Variants in SAMD12 observed in about 807,000 individuals in gnomAD.
SAMD12 encodes sterile alpha motif domain-containing protein 12.
Under a neutral mutation model 15.0 loss-of-function variants are expected in SAMD12, and 9 were observed. That is an observed-to-expected ratio of 0.60 (90% CI 0.36 to 1.05). SAMD12 has a LOEUF of 1.05. SAMD12 is among the 50% of genes least tolerant of loss of function. The pLI is 0.01. For synonymous variants in SAMD12, 86 were observed against 90.1 expected, an observed-to-expected ratio of 0.96 and a Z score of 0.25; for missense variants, 230 against 234.2, an observed-to-expected ratio of 0.98 and a Z score of 0.12.
chr8:118,307,161 C>T (rs1815392435), intron 4 of SAMD12, among the ~76,000 whole-genome samples: 1 of 152,206 alleles, frequency 6.6e-6, no homozygotes, highest in Admixed American at 6.5e-5. Context: ...AGCCCCTCTT[C>T]ATGGAGCTGA....
At chr8:118,395,505 G>A (rs1820510646) in intron 3 of SAMD12, among the ~76,000 whole-genome samples, 1 of 152,100 alleles carries the variant, frequency 6.6e-6, no homozygotes, top group Admixed American at 6.6e-5. Context: ...GTTTTCTTTA[G>A]CAAACACCCT....
chr8:118,534,682 T>C (rs1057115643), intron 2 of SAMD12, among the ~76,000 whole-genome samples: 1 of 152,222 alleles, frequency 6.6e-6, no homozygotes, highest in Non-Finnish European at 1.5e-5. Flanking sequence ...TTTTGCTTCA[T>C]TTCATCCATT....
the SAMD12 span, among the ~76,000 whole-genome samples, chr8:118,163,410 G>A: frequency 6.6e-6 from 1 of 152,318 alleles, no homozygotes; most frequent in Non-Finnish European, 1.5e-5. Flanking sequence ...TGGGTAATAG[G>A]GATGTGATTT....
At chr8:118,294,175 T>C (rs1285939469) in intron 4 of SAMD12, among the ~76,000 whole-genome samples, 1 of 152,100 alleles carries the variant, frequency 6.6e-6, no homozygotes, top group Non-Finnish European at 1.5e-5. Context: ...GCAGAGAGTC[T>C]GCCATGCAGC....
At chr8:118,318,327 T>TATATATATATATATACAC (rs1563758918) in intron 4 of SAMD12, among the ~76,000 whole-genome samples, 1 of 35,056 alleles carries the variant, frequency 2.9e-5, no homozygotes, top group Non-Finnish European at 9.3e-5. Flanking sequence ...TATATATATA[T>TATATATATATATATACAC]ATATATATAT....
At chr8:118,203,595 T>A (rs549266683) in intron 4 of SAMD12, among the ~76,000 whole-genome samples, 75 of 152,208 alleles carry the variant, frequency 4.9e-4, no homozygotes, top group African/African-American at 1.7e-3. Flanking sequence ...ATTCTATTTT[T>A]TTATTATTAT....
At chr8:118,337,990 T>A (rs1207986149) in intron 4 of SAMD12, among the ~76,000 whole-genome samples, 1 of 152,210 alleles carries the variant, frequency 6.6e-6, no homozygotes, top group Non-Finnish European at 1.5e-5. Context: ...GTTTAAGACT[T>A]CCACCAGGGG....
chr8:118,527,780 G>C (rs935270941), intron 2 of SAMD12, among the ~76,000 whole-genome samples: 2 of 152,070 alleles, frequency 1.3e-5, no homozygotes, highest in African/African-American at 4.8e-5. Flanking sequence ...TGTTTAATTA[G>C]GGATATCTGC....
At chr8:118,518,865 A>T in intron 2 of SAMD12, among the ~76,000 whole-genome samples, 1 of 152,162 alleles carries the variant, frequency 6.6e-6, no homozygotes, top group Non-Finnish European at 1.5e-5. Flanking sequence ...CAATTTCCCC[A>T]GCGTCAGGCA....
At chr8:118,463,901 G>A (rs1016760597) in intron 2 of SAMD12, among the ~76,000 whole-genome samples, 3 of 152,078 alleles carry the variant, frequency 2.0e-5, no homozygotes, top group African/African-American at 7.2e-5. Context: ...AACACTGCTG[G>A]AATTATAGGG....
chr8:118,158,285 T>C, the SAMD12 span, among the ~76,000 whole-genome samples: 2 of 152,198 alleles, frequency 1.3e-5, no homozygotes, highest in Non-Finnish European at 2.9e-5. Flanking sequence ...CACAAAGCCA[T>C]GAAGATTGCC....
In SAMD12 at chr8:118,317,519, A is replaced by G. The variant is rs564417574; in HGVS notation, c.433+62041T>C. Among the ~76,000 whole-genome samples, 15 of 152,360 alleles carry G rather than the reference A, an allele frequency of 9.8e-5. No homozygotes were observed. The East Asian group carries it at 2.5e-3, about 25-fold the overall frequency. On this transcript the variant is annotated intron_variant, in intron 4 of 4. Coordinates refer to the SAMD12 transcript ENST00000409003. ...GATGAAAATGTTGAAGAAGGTAGAT[A>G]CAAAGAGTATATAATGTACAATTCG...
intron 2 of SAMD12, among the ~76,000 whole-genome samples, chr8:118,490,094 T>C (rs1033649033): frequency 6.6e-6 from 1 of 152,288 alleles, no homozygotes; most frequent in East Asian, 1.9e-4. Flanking sequence ...CTTACTATCA[T>C]AGCATTCAAA....
At chr8:118,260,740 T>G (rs531955582) in intron 4 of SAMD12, among the ~76,000 whole-genome samples, 1 of 152,206 alleles carries the variant, frequency 6.6e-6, no homozygotes, top group South Asian at 2.1e-4. Context: ...TATCCTGTGT[T>G]GCCTGCATCT....
chr8:118,524,868 C>G (rs1225946050), intron 2 of SAMD12, among the ~76,000 whole-genome samples: 2 of 152,204 alleles, frequency 1.3e-5, no homozygotes, highest in African/African-American at 4.8e-5. Context: ...TCACCACTCT[C>G]CTGTGGATAA....
intron 3 of SAMD12, among the ~76,000 whole-genome samples, chr8:118,428,621 A>C (rs971980162): frequency 2.6e-5 from 4 of 152,136 alleles, no homozygotes; most frequent in African/African-American, 9.7e-5. Context: ...AGTGTGATGC[A>C]GGAGTTGAAG....
At chr8:118,343,629 GC>G (rs1817485476) in intron 4 of SAMD12, among the ~76,000 whole-genome samples, 2 of 152,136 alleles carry the variant, frequency 1.3e-5, no homozygotes, top group African/African-American at 4.8e-5. Flanking sequence ...TACATTTTGT[GC>G]CAAGCACTTT....
intron 1 of SAMD12, among the ~76,000 whole-genome samples, chr8:118,616,277 G>GAATTTATGTGTATGGGA (rs1563613543): frequency 6.6e-6 from 1 of 152,124 alleles, no homozygotes; most frequent in Non-Finnish European, 1.5e-5. Flanking sequence ...ATGTGTATGG[G>GAATTTATGTGTATGGGA]AGTTACTGTG....
At chr8:118,213,011 C>T (rs1285349267) in intron 4 of SAMD12, among the ~76,000 whole-genome samples, 1 of 151,944 alleles carries the variant, frequency 6.6e-6, no homozygotes, top group Non-Finnish European at 1.5e-5. Context: ...AATGAGAATA[C>T]GATGAAGCAT....
Sources: gnomAD v4.1 joint callset for allele counts (sites outside exome capture counted in the v4.1 genomes callset) on GRCh38, gnomAD v4.1.1 for gene constraint, MANE v1.5 for transcripts, NCBI Gene and HGNC (gene_info 2026-07-23, HGNC 2026-07-21) for gene names.